PTPRD: variants seen among roughly 807,000 people sequenced by gnomAD.
The protein encoded by PTPRD is receptor-type tyrosine-protein phosphatase delta.
In PTPRD, 34 loss-of-function variants were observed where a neutral mutation model predicts 214.5. The observed-to-expected ratio is 0.16, with a 90% CI of 0.12 to 0.21. The LOEUF is 0.21. Among genes scored for constraint, PTPRD ranks in the 10% least tolerant of loss-of-function variants. The pLI is 1.00. For missense variants in PTPRD, 2,545 were observed against 2,398.7 expected (o/e 1.06, Z -1.27); for synonymous variants, 1,128 against 845.7 (o/e 1.33, Z -5.79).
chr9:9,272,354 A>G (rs998583445), intron 9 of PTPRD, among the ~76,000 whole-genome samples: 3 of 151,348 alleles, frequency 2.0e-5, no homozygotes, highest in African/African-American at 4.8e-5. Flanking sequence ...AAGTTAAAAA[A>G]TCTTCTCTTG....
chr9:8,701,006 C>T (rs2098068155), intron 12 of PTPRD: 1 of 151,236 alleles, frequency 6.6e-6, no homozygotes, highest in Admixed American at 6.6e-5. Flanking sequence ...ATTAAAAATA[C>T]AAAAATTAGC....
chr9:8,832,604 T>A (rs1297634829), intron 11 of PTPRD, among the ~76,000 whole-genome samples: 1 of 152,024 alleles, frequency 6.6e-6, no homozygotes, highest in Non-Finnish European at 1.5e-5. Flanking sequence ...TTAACCAGTG[T>A]TTGCACCCAC....
At chr9:9,633,526 TA>T (rs5896345) in intron 7 of PTPRD, among the ~76,000 whole-genome samples, 65,433 of 151,946 alleles carry the variant, frequency 0.43, 14,696 homozygotes, top group African/African-American at 0.51. Context: ...AAAGTGATTA[TA>T]AGCAGATATT....
chr9:9,329,693 C>G (rs567138429), intron 9 of PTPRD, among the ~76,000 whole-genome samples: 1 of 152,276 alleles, frequency 6.6e-6, no homozygotes, highest in South Asian at 2.1e-4. Flanking sequence ...TTACAACAAA[C>G]TAGATGAACA....
intron 3 of PTPRD, among the ~76,000 whole-genome samples, chr9:10,137,545 C>T (rs1173179209): frequency 1.2e-5 from 1 of 80,472 alleles, no homozygotes; most frequent in Non-Finnish European, 2.3e-5. Flanking sequence ...ACTCTGGGGA[C>T]TGTGGTGGCG....
At chr9:9,908,358 T>G (rs561218132) in intron 5 of PTPRD, among the ~76,000 whole-genome samples, 2 of 152,098 alleles carry the variant, frequency 1.3e-5, no homozygotes, top group Admixed American at 1.3e-4. Context: ...GCATTTCAAC[T>G]GGAACATGTG....
chr9:8,838,092 G>A (rs1281188217), intron 11 of PTPRD, among the ~76,000 whole-genome samples: 1 of 152,184 alleles, frequency 6.6e-6, no homozygotes, highest in East Asian at 1.9e-4. Flanking sequence ...AAAATCTTAA[G>A]GGAGAGGGGT....
chr9:9,260,800 C>A (rs558462095), intron 9 of PTPRD, among the ~76,000 whole-genome samples: 3 of 151,808 alleles, frequency 2.0e-5, no homozygotes, highest in Admixed American at 1.3e-4. Flanking sequence ...TTTTTCCCAC[C>A]CTGTTCTCTT....
In PTPRD at chr9:8,317,814, G is replaced by A. The variant is rs2130434114; in HGVS notation, c.*60C>T. Reference sequence around the variant, plus strand: ...CTTCTCAAGTGCCCTGTATGGCTCAGAAGAGACTCCATGGATATTGAAGGG... The same window carrying A: ...CTTCTCAAGTGCCCTGTATGGCTCAAAAGAGACTCCATGGATATTGAAGGG... On this transcript the variant is annotated 3_prime_UTR_variant, in exon 46 of 46. Transcript: ENST00000381196. 1.3e-6 allele frequency: 2 copies of A among 1,514,460 alleles called. No individual in the cohort carries two copies. Among genetic ancestry groups the A allele is most frequent in the Non-Finnish European group, 1.8e-6 (2 of 1,090,572 alleles). The allele number at this position is 1,514,460 out of a possible 1,614,324, so 93.8% of individuals were successfully genotyped here.
At chr9:9,239,567 G>T (rs752553503) in intron 9 of PTPRD, among the ~76,000 whole-genome samples, 3 of 152,176 alleles carry the variant, frequency 2.0e-5, no homozygotes, top group Non-Finnish European at 2.9e-5. Flanking sequence ...TTGGTGGACT[G>T]AAGCTATGGG....
intron 4 of PTPRD, among the ~76,000 whole-genome samples, chr9:9,979,490 A>G (rs1243257179): frequency 6.6e-6 from 1 of 151,968 alleles, no homozygotes; most frequent in African/African-American, 2.4e-5. Flanking sequence ...TATTTTTTGA[A>G]TTTTTAGATA....
chr9:9,320,889 G>A (rs1005423941), intron 9 of PTPRD, among the ~76,000 whole-genome samples: 3 of 152,134 alleles, frequency 2.0e-5, no homozygotes, highest in Admixed American at 6.6e-5. Context: ...CCAAAAGCCA[G>A]AAATGTGCCA....
In PTPRD at chr9:8,636,690, A is replaced by G. The variant is rs2154327793; in HGVS notation, c.210+9T>C. On this transcript the variant is annotated intron_variant, in intron 13 of 45. Coordinates refer to ENST00000381196, the MANE Select transcript of PTPRD (RefSeq NM_002839.4). ...TTCCCCCAGAGAAACAGAACAATGG[A>G]CCTAATACCTCAAATCTCTGATTGC... 6.2e-7 allele frequency: 1 copy of G among 1,613,852 alleles called. No homozygotes were observed. The highest frequency in any genetic ancestry group is 8.5e-7 in the Non-Finnish European group (1 of 1,179,782).
intron 35 of PTPRD, among the ~76,000 whole-genome samples, chr9:8,423,659 G>A (rs2094495579): frequency 6.6e-6 from 1 of 152,098 alleles, no homozygotes; most frequent in Admixed American, 6.6e-5. Flanking sequence ...AGGGCACCTT[G>A]CCAGTATAGG....
intron 9 of PTPRD, among the ~76,000 whole-genome samples, chr9:9,222,465 T>A (rs966449166): frequency 2.1e-4 from 32 of 152,138 alleles, no homozygotes; most frequent in Admixed American, 1.9e-3. Context: ...AAAGCAACTT[T>A]AAAAAATTTA....
chr9:10,171,686 G>A lies in PTPRD; in HGVS notation c.-544-137896C>T, dbSNP rs538697083. The stretch of plus-strand genomic sequence containing the variant: ...ACCACAGGCGCCCGCTACCACGCCC[G>A]GCTAATTTTTGTATTTTTAGTAGAG... On this transcript the variant is annotated intron_variant, in intron 3 of 45. Coordinates refer to ENST00000381196, the MANE Select transcript of PTPRD (RefSeq NM_002839.4). Among the ~76,000 whole-genome samples the A allele has an allele frequency of 2.0e-5, 3 of 152,112 alleles. No homozygotes were observed. In the South Asian group the frequency reaches 6.2e-4, roughly 32 times the overall value.
intron 12 of PTPRD, among the ~76,000 whole-genome samples, chr9:8,693,002 T>C (rs749903220): frequency 2.0e-5 from 3 of 152,200 alleles, no homozygotes; most frequent in Non-Finnish European, 2.9e-5. Flanking sequence ...GCAAAATGTA[T>C]ACAGACTGCA....
intron 10 of PTPRD, among the ~76,000 whole-genome samples, chr9:9,029,453 T>C (rs569439087): frequency 6.8e-4 from 103 of 151,666 alleles, no homozygotes; most frequent in African/African-American, 2.1e-3. Flanking sequence ...ATGGGAAAAA[T>C]TGGGTAGCAG....
chr9:9,408,818 G>C (rs942526425), intron 8 of PTPRD, among the ~76,000 whole-genome samples: 10 of 151,768 alleles, frequency 6.6e-5, no homozygotes, highest in African/African-American at 2.4e-4. Flanking sequence ...CTGGCACAAA[G>C]TGCGTTCTCA....
Sources: gnomAD v4.1 joint callset for allele counts (sites outside exome capture counted in the v4.1 genomes callset) on GRCh38, gnomAD v4.1.1 for gene constraint, MANE v1.5 for transcripts, NCBI Gene and HGNC (gene_info 2026-07-23, HGNC 2026-07-21) for gene names.